Variants in ABCA12 observed in about 807,000 individuals in gnomAD.
ABCA12 encodes ATP binding cassette subfamily A member 12.
In ABCA12, 156 loss-of-function variants were observed where a neutral mutation model predicts 293.5. The ratio of observed to expected loss-of-function variants is 0.53; its 90% CI spans 0.47 to 0.61. The LOEUF (loss-of-function observed/expected upper bound fraction) is 0.61, where lower values mean the gene tolerates loss of function less well. Ranked by LOEUF, ABCA12 falls within the 20% of genes least tolerant of loss-of-function variation. ABCA12 has a pLI of 0.00. For missense variants in ABCA12, 2,797 were observed against 3,090.2 expected (o/e 0.91, Z 2.25); for synonymous variants, 1,063 against 1,108.0 (o/e 0.96, Z 0.81).
In ABCA12 at chr2:214,979,110, A is replaced by T. The variant is rs10201875; in HGVS notation, c.4741-70T>A. Reference sequence around the variant, plus strand: ...CTATAGTGCTCCAGGCCCTAATCAGAGGGTGAGGTGATGAGCTCTTTTAGG... The same window carrying T: ...CTATAGTGCTCCAGGCCCTAATCAGTGGGTGAGGTGATGAGCTCTTTTAGG... On this transcript the variant is annotated intron_variant, in intron 31 of 52. Transcript: ENST00000272895. The T allele has an allele frequency of 4.0e-3, 5,627 of 1,404,306 alleles. 195 individuals are homozygous for T. In the African/African-American group the frequency reaches 0.072, roughly 18 times the overall value. 87.0% of individuals were successfully genotyped at this position (1,404,306 alleles called of 1,614,324 possible).
intron 1 of ABCA12, among the ~76,000 whole-genome samples, chr2:215,119,653 C>T (rs917718852): frequency 2.0e-5 from 3 of 150,726 alleles, no homozygotes; most frequent in Non-Finnish European, 4.4e-5. Flanking sequence ...CAATTCTGTT[C>T]CATTGTTATA....
At chr2:214,961,712 C>T (rs1332047416) in intron 39 of ABCA12, 1 of 152,140 alleles carries the variant, frequency 6.6e-6, no homozygotes, top group Non-Finnish European at 1.5e-5. Flanking sequence ...CTTTAGTCAT[C>T]ATTTAATTTA....
In ABCA12 at chr2:214,970,413, G is replaced by A. The variant is rs773926057; in HGVS notation, c.5563-13C>T. On this transcript the variant is annotated splice_polypyrimidine_tract_variant and intron_variant, in intron 36 of 52. Transcript: ENST00000272895. ...ATTTAGGACATTCCTGGAAAATAAA[G>A]TTAAAAATGAATTTTTTTCTGGCCA... 6.2e-7 allele frequency: 1 copy of A among 1,612,726 alleles called. No individual in the cohort carries two copies. Among genetic ancestry groups the A allele is most frequent in the East Asian group, 2.2e-5 (1 of 44,756 alleles).
chr2:215,004,634 C>T, intron 19 of ABCA12: 1 of 218,624 alleles, frequency 4.6e-6, no homozygotes, highest in Non-Finnish European at 9.3e-6. Flanking sequence ...GTATACTATA[C>T]ACAATGTTGT....
intron 45 of ABCA12, among the ~76,000 whole-genome samples, chr2:214,949,952 A>T (rs1698702641): frequency 6.6e-6 from 1 of 152,176 alleles, no homozygotes; most frequent in Admixed American, 6.5e-5. Context: ...TAATACCTGG[A>T]CATGTGTAAA....
chr2:214,971,013 G>A (rs1481557892), intron 36 of ABCA12, among the ~76,000 whole-genome samples: 10 of 152,012 alleles, frequency 6.6e-5, no homozygotes, highest in Admixed American at 6.6e-4. Context: ...GTGTACCCTG[G>A]TCACTTTCCC....
At chr2:215,043,243 T>C (rs1701137149) in intron 7 of ABCA12, among the ~76,000 whole-genome samples, 1 of 152,212 alleles carries the variant, frequency 6.6e-6, no homozygotes, top group Non-Finnish European at 1.5e-5. Flanking sequence ...TTCAGATCTT[T>C]TGTCCATTTT....
chr2:215,031,733 A>C, intron 9 of ABCA12, 88 bp downstream of exon 9: 1 of 1,503,566 alleles, frequency 6.7e-7, no homozygotes, highest in Non-Finnish European at 9.2e-7. Context: ...ATGCTTATAT[A>C]CACTGATAAG....
chr2:214,934,252 G>T, intron 51 of ABCA12, 37 bp from the exon 52 acceptor site: 1 of 1,612,278 alleles, frequency 6.2e-7, no homozygotes, highest in Non-Finnish European at 8.5e-7. Context: ...ATTTTGCAAT[G>T]TCTGGTAATG....
Position 215,017,994 on chromosome 2 carries a change from A to G in ABCA12, c.1782+14T>C, listed in dbSNP as rs1172865439. 6.2e-7 allele frequency: 1 copy of G among 1,614,142 alleles called. No homozygotes were observed. Among genetic ancestry groups the G allele is most frequent in the South Asian group, 1.1e-5 (1 of 91,088 alleles). ...CTAAGAACTGCATGTAAGTACAAACACATGACACCCCACCTCAGCTCTATT... is the reference window on the plus strand; with the variant it reads ...CTAAGAACTGCATGTAAGTACAAACGCATGACACCCCACCTCAGCTCTATT... On this transcript the variant is annotated intron_variant, in intron 14 of 52. Coordinates refer to ENST00000272895, the MANE Select transcript of ABCA12 (RefSeq NM_173076.3).
At chr2:215,097,854 C>A (rs1702278891) in intron 2 of ABCA12, among the ~76,000 whole-genome samples, 1 of 152,138 alleles carries the variant, frequency 6.6e-6, no homozygotes, top group Non-Finnish European at 1.5e-5. Flanking sequence ...TGCCAAATTT[C>A]CACATAAAAC....
chr2:215,100,358 C>T (rs112764439), intron 2 of ABCA12, among the ~76,000 whole-genome samples: 1 of 152,088 alleles, frequency 6.6e-6, no homozygotes, highest in African/African-American at 2.4e-5. Context: ...GCCACTTCCT[C>T]TTGTTGCATA....
At chr2:215,134,292 AT>A (rs1252968203) in intron 1 of ABCA12, among the ~76,000 whole-genome samples, 2 of 147,946 alleles carry the variant, frequency 1.4e-5, no homozygotes, top group African/African-American at 2.5e-5. Flanking sequence ...ATATATGTAT[AT>A]GTACATATAT....
intron 50 of ABCA12, among the ~76,000 whole-genome samples, chr2:214,939,594 G>A (rs1315753660): frequency 6.6e-6 from 1 of 152,174 alleles, no homozygotes; most frequent in Non-Finnish European, 1.5e-5. Context: ...TCCTATCCAT[G>A]AGCATGGAAT....
rs113959291 is a variant in ABCA12 at position 215,092,444 on chromosome 2, T to C, written c.163+19153A>G. On this transcript the variant is annotated intron_variant, in intron 2 of 52. Transcript: ENST00000272895. The stretch of plus-strand genomic sequence containing the variant: ...TCTCCCCAACCCAAAGCCTCCTTCG[T>C]GTCTTCCTCTTGTATCCCCCGACCT... Among the ~76,000 whole-genome samples, 761 of 152,220 alleles carry C rather than the reference T, an allele frequency of 5.0e-3. 5 individuals are homozygous for C. Among genetic ancestry groups the C allele is most frequent in the African/African-American group, 0.017 (719 of 41,528 alleles).
chr2:215,079,072 T>C (rs1056032300), intron 2 of ABCA12, among the ~76,000 whole-genome samples: 2 of 152,328 alleles, frequency 1.3e-5, no homozygotes, highest in East Asian at 3.9e-4. Context: ...GGCAGACAGA[T>C]GGCTTTTATT....
chr2:214,944,873 G>GTA (rs10633768), intron 49 of ABCA12, 128 bp downstream of exon 49: 204,726 of 617,880 alleles, frequency 0.33, 17,965 homozygotes, highest in South Asian at 0.37. Context: ...TTGTATGTGT[G>GTA]TATATATATA....
At chr2:215,110,321 T>C (rs1465808079) in intron 2 of ABCA12, among the ~76,000 whole-genome samples, 1 of 152,070 alleles carries the variant, frequency 6.6e-6, no homozygotes, top group East Asian at 1.9e-4. Flanking sequence ...CCATCCCGGC[T>C]AACACAGTGA....
chr2:215,070,803 G>C (rs1420113758), intron 2 of ABCA12, among the ~76,000 whole-genome samples: 1 of 151,908 alleles, frequency 6.6e-6, no homozygotes, highest in Non-Finnish European at 1.5e-5. Context: ...AATGCATATA[G>C]AAATCATTTG....
Sources: allele counts gnomAD v4.1 joint callset (sites outside exome capture counted in the v4.1 genomes callset), GRCh38; gene constraint gnomAD v4.1.1; transcripts MANE v1.5; gene names NCBI Gene and HGNC (gene_info 2026-07-23, HGNC 2026-07-21).